PLCXD3: variants seen among roughly 807,000 people sequenced by gnomAD.
The protein encoded by PLCXD3 is PI-PLC X domain-containing protein 3.
A neutral mutation model predicts 25.5 loss-of-function variants in PLCXD3; 19 were observed. That is an observed-to-expected ratio of 0.75 (90% CI 0.52 to 1.09). PLCXD3 has a LOEUF of 1.09. PLCXD3 is among the 50% of genes least tolerant of loss of function. The pLI is 0.00. For missense variants in PLCXD3, 411 were observed against 388.1 expected, an observed-to-expected ratio of 1.06 and a Z score of -0.50; for synonymous variants, 174 against 137.6, an observed-to-expected ratio of 1.26 and a Z score of -1.85.
chr5:41,319,477 AC>A (rs1419358340), intron 2 of PLCXD3, among the ~76,000 whole-genome samples: 1 of 152,212 alleles, frequency 6.6e-6, no homozygotes, highest in Admixed American at 6.5e-5. Flanking sequence ...TTCTACAACT[AC>A]ATGGAAATTA....
At chr5:41,332,593 A>T (rs559419663) in intron 2 of PLCXD3, among the ~76,000 whole-genome samples, 18,589 of 151,970 alleles carry the variant, frequency 0.12, 1,222 homozygotes, top group Non-Finnish European at 0.13. Context: ...CCCATTACTG[A>T]GTATATACCC....
intron 1 of PLCXD3, among the ~76,000 whole-genome samples, chr5:41,477,404 C>G (rs1477155707): frequency 6.6e-6 from 1 of 152,026 alleles, no homozygotes; most frequent in African/African-American, 2.4e-5. Context: ...AGATCCTATC[C>G]CCATACCTGT....
intron 1 of PLCXD3, among the ~76,000 whole-genome samples, chr5:41,494,247 G>C (rs960677203): frequency 6.6e-6 from 1 of 152,026 alleles, no homozygotes; most frequent in Non-Finnish European, 1.5e-5. Context: ...AGGTGTGGAG[G>C]GTTTTATATA....
At position 41,460,487 on chromosome 5, in the gene PLCXD3, T is replaced by C. The variant is rs539278109; in HGVS notation, c.103+49937A>G. Among the ~76,000 whole-genome samples, 42 of 152,054 alleles carry C rather than the reference T, an allele frequency of 2.8e-4. 1 individual carries two copies. Among genetic ancestry groups the C allele is most frequent in the Non-Finnish European group, 3.5e-4 (24 of 67,896 alleles). On this transcript the variant is annotated intron_variant, in intron 1 of 2. Coordinates refer to ENST00000377801, the MANE Select transcript of PLCXD3 (RefSeq NM_001005473.3). Reference sequence around the variant, plus strand: ...GGCTGTCAAATACCAGTGTGAAAATTCCAGAGTTTATCACAGCTCATCAAC... The same window carrying C: ...GGCTGTCAAATACCAGTGTGAAAATCCCAGAGTTTATCACAGCTCATCAAC...
chr5:41,313,950 A>T (rs912412404), intron 2 of PLCXD3, among the ~76,000 whole-genome samples, 180 bp from the exon 3 acceptor site: 5 of 152,228 alleles, frequency 3.3e-5, no homozygotes, highest in African/African-American at 7.2e-5. Flanking sequence ...GAAACTCTGC[A>T]GGAGAAATAT....
chr5:41,367,228 A>G (rs1230941243), intron 2 of PLCXD3, among the ~76,000 whole-genome samples: 2 of 151,538 alleles, frequency 1.3e-5, no homozygotes, highest in Non-Finnish European at 3.0e-5. Context: ...GTCTTCCACA[A>G]TGGTTGAACT....
chr5:41,436,748 T>A (rs1747263888), intron 1 of PLCXD3, among the ~76,000 whole-genome samples: 1 of 152,156 alleles, frequency 6.6e-6, no homozygotes, highest in Non-Finnish European at 1.5e-5. Flanking sequence ...ACTTCATACA[T>A]CTATGGGCTA....
At chr5:41,456,041 T>C (rs775663090) in intron 1 of PLCXD3, among the ~76,000 whole-genome samples, 29 of 151,668 alleles carry the variant, frequency 1.9e-4, no homozygotes, top group Non-Finnish European at 4.0e-4. Context: ...TAAAAAAAAA[T>C]AGGGGTCAAA....
At chr5:41,500,894 CA>C (rs1265225574) in intron 1 of PLCXD3, among the ~76,000 whole-genome samples, 4 of 151,694 alleles carry the variant, frequency 2.6e-5, no homozygotes, top group Non-Finnish European at 5.9e-5. Context: ...TAAAACTATA[CA>C]AAGAACAAGT....
chr5:41,482,497 A>G (rs1580395235), intron 1 of PLCXD3, among the ~76,000 whole-genome samples: 2 of 152,322 alleles, frequency 1.3e-5, no homozygotes, highest in East Asian at 3.9e-4. Flanking sequence ...AAGAGCACGA[A>G]GTATAATACA....
At chr5:41,346,705 T>C (rs937409748) in intron 2 of PLCXD3, among the ~76,000 whole-genome samples, 4 of 152,240 alleles carry the variant, frequency 2.6e-5, no homozygotes, top group African/African-American at 9.6e-5. Context: ...CAACTATCTC[T>C]ATAAACTTGC....
chr5:41,458,946 T>A (rs1747813705), intron 1 of PLCXD3, among the ~76,000 whole-genome samples: 1 of 151,978 alleles, frequency 6.6e-6, no homozygotes. Flanking sequence ...TACATTTATT[T>A]TTCTTAGAGT....
intron 2 of PLCXD3, among the ~76,000 whole-genome samples, chr5:41,378,330 C>A (rs1036721705): frequency 1.3e-5 from 2 of 152,182 alleles, no homozygotes; most frequent in African/African-American, 4.8e-5. Context: ...AAAAGGAAGT[C>A]TTTCTAGTAC....
chr5:41,395,857 G>A (rs1745986939), intron 1 of PLCXD3, among the ~76,000 whole-genome samples: 1 of 151,980 alleles, frequency 6.6e-6, no homozygotes. Context: ...TGGTTTCACT[G>A]CTGAATTCTA....
intron 1 of PLCXD3, among the ~76,000 whole-genome samples, chr5:41,438,208 G>A (rs1050821305): frequency 6.6e-6 from 1 of 152,104 alleles, no homozygotes; most frequent in African/African-American, 2.4e-5. Flanking sequence ...AAATTAAATT[G>A]CTCACTTTTA....
chr5:41,399,756 G>A (rs1049742076), intron 1 of PLCXD3, among the ~76,000 whole-genome samples: 9 of 152,032 alleles, frequency 5.9e-5, no homozygotes, highest in African/African-American at 1.9e-4. Context: ...AGAAAACGTT[G>A]GAGAAACTTT....
chr5:41,467,707 C>G (rs1388074876), intron 1 of PLCXD3, among the ~76,000 whole-genome samples: 1 of 152,088 alleles, frequency 6.6e-6, no homozygotes, highest in Non-Finnish European at 1.5e-5. Flanking sequence ...ATATGTAAGT[C>G]TTTAATCCAT....
chr5:41,483,676 C>G (rs1236119074), intron 1 of PLCXD3, among the ~76,000 whole-genome samples: 7 of 151,944 alleles, frequency 4.6e-5, no homozygotes, highest in Admixed American at 1.3e-4. Context: ...TGCCACTGAC[C>G]TGCACACTTA....
chr5:41,313,538 G>T lies in PLCXD3; in HGVS notation c.*79C>A. 3 of 1,547,560 alleles carry T rather than the reference G, an allele frequency of 1.9e-6. No individual in the cohort carries two copies. The highest frequency in any genetic ancestry group is 2.7e-6 in the Non-Finnish European group (3 of 1,123,596). ...CTTCAGAGACTCAGTGGAATAGGAA[G>T]ATCAGAGTGTTTACAGATAGTATGC... On this transcript the variant is annotated 3_prime_UTR_variant, in exon 3 of 3. Coordinates refer to ENST00000377801, the MANE Select transcript of PLCXD3 (RefSeq NM_001005473.3).
Sources: gnomAD v4.1 joint callset for allele counts (sites outside exome capture counted in the v4.1 genomes callset) on GRCh38, gnomAD v4.1.1 for gene constraint, MANE v1.5 for transcripts, NCBI Gene and HGNC (gene_info 2026-07-23, HGNC 2026-07-21) for gene names.